Variants in POU2F1 observed in about 807,000 individuals in gnomAD.
The protein encoded by POU2F1 is POU class 2 homeobox 1.
POU2F1 carries 16 observed loss-of-function variants against 84.9 expected under a neutral mutation model. The observed-to-expected ratio is 0.19, with a 90% CI of 0.13 to 0.29. The LOEUF is 0.29. POU2F1 is among the 10% of genes least tolerant of loss of function. The probability of loss-of-function intolerance (pLI) is 1.00; values close to 1 mark genes in which losing one functional copy is unlikely to be tolerated. For synonymous variants in POU2F1, 368 were observed against 368.3 expected (o/e 1.00, Z 0.01); for missense variants, 738 against 942.6 (o/e 0.78, Z 2.84).
At chr1:167,379,207 A>G (rs1047415529) in intron 7 of POU2F1, 3 of 152,402 alleles carry the variant, frequency 2.0e-5, no homozygotes, top group African/African-American at 7.2e-5. Flanking sequence ...TGCTGGGATT[A>G]TAGGCATGAG....
At chr1:167,249,838 C>T (rs2102400713) in intron 1 of POU2F1, among the ~76,000 whole-genome samples, 1 of 152,248 alleles carries the variant, frequency 6.6e-6, no homozygotes, top group Non-Finnish European at 1.5e-5. Flanking sequence ...GCTGACTCAC[C>T]TACAGTGAGG....
rs1650482655 is a variant in POU2F1, at chr1:167,419,040, A to G, written c.*3230A>G. ...TTGTTTAGTTTAAAATCAACTCCCT[A>G]TCCATCATCCCTAGATATTCTACTT... On this transcript the variant is annotated 3_prime_UTR_variant, in exon 16 of 16. Coordinates refer to ENST00000367866, the MANE Select transcript of POU2F1 (RefSeq NM_002697.4). The G allele has an allele frequency of 6.6e-6, 1 of 152,218 alleles. No individual in the cohort carries two copies. Among genetic ancestry groups the G allele is most frequent in the Non-Finnish European group, 1.5e-5 (1 of 68,048 alleles). The allele number at this position is 152,218 out of a possible 1,614,324, so 9.4% of individuals were successfully genotyped here. A position where few individuals can be genotyped will look rare whatever the true frequency, so the allele number is the denominator to read the frequency against.
At position 167,399,233 on chromosome 1, in the gene POU2F1, C is replaced by T. The variant is rs1170193634; in HGVS notation, c.1317C>T (p.Leu439=). The T allele has an allele frequency of 2.5e-6, 4 of 1,613,698 alleles. No individual in the cohort carries two copies. The highest frequency in any genetic ancestry group is 3.4e-6 in the Non-Finnish European group (4 of 1,179,930). ...AGATCACTATGATTGCTGATCAGCT[C>T]AATATGGAAAAAGAGGTGATTCGTG... ...SEEITMIADQ[L]NMEKEVIRVW... Residue 439 remains leucine (L), a synonymous_variant, in exon 12 of 16, where the codon CTC becomes CTT. Coordinates refer to ENST00000367866, the MANE Select transcript of POU2F1 (RefSeq NM_002697.4).
chr1:167,325,601 A>G (rs1656644460), intron 1 of POU2F1, among the ~76,000 whole-genome samples: 1 of 152,080 alleles, frequency 6.6e-6, no homozygotes, highest in African/African-American at 2.4e-5. Context: ...TTTTAATACT[A>G]GTAGTGTCGG....
intron 2 of POU2F1, among the ~76,000 whole-genome samples, chr1:167,358,057 C>T (rs1659085921): frequency 6.6e-6 from 1 of 151,412 alleles, no homozygotes; most frequent in Non-Finnish European, 1.5e-5. Flanking sequence ...CTGTCTCGAC[C>T]TTCCAAAGTG....
intron 1 of POU2F1, among the ~76,000 whole-genome samples, chr1:167,255,767 G>A (rs938140288): frequency 1.3e-5 from 2 of 152,300 alleles, no homozygotes; most frequent in East Asian, 3.9e-4. Flanking sequence ...ACTGGATTTA[G>A]GAGACAAGAA....
intron 1 of POU2F1, among the ~76,000 whole-genome samples, chr1:167,245,651 G>A (rs1650261247): frequency 6.6e-6 from 1 of 151,980 alleles, no homozygotes; most frequent in Admixed American, 6.6e-5. Flanking sequence ...GACCTCAGGT[G>A]ATCCGCCCAC....
chr1:167,236,514 G>T (rs1156684689), intron 1 of POU2F1, among the ~76,000 whole-genome samples: 2 of 151,552 alleles, frequency 1.3e-5, no homozygotes, highest in African/African-American at 4.9e-5. Context: ...TCCTGTTTTG[G>T]CCGTTTCAGA....
intron 2 of POU2F1, among the ~76,000 whole-genome samples, chr1:167,340,567 G>T (rs1657780403): frequency 6.6e-6 from 1 of 151,660 alleles, no homozygotes; most frequent in African/African-American, 2.4e-5. Context: ...AAGTAGCCGG[G>T]ATTACAGGTG....
chr1:167,331,558 C>CT (rs1284671996), intron 1 of POU2F1, among the ~76,000 whole-genome samples: 1 of 151,982 alleles, frequency 6.6e-6, no homozygotes, highest in Non-Finnish European at 1.5e-5. Flanking sequence ...CATAAATATT[C>CT]TAAGTTTGAG....
chr1:167,336,268 A>G (rs1222188103), intron 2 of POU2F1, among the ~76,000 whole-genome samples: 1 of 152,254 alleles, frequency 6.6e-6, no homozygotes, highest in African/African-American at 2.4e-5. Context: ...CTACTGTAAT[A>G]ATTTTGTAAC....
intron 3 of POU2F1, among the ~76,000 whole-genome samples, chr1:167,367,158 T>A (rs911328480): frequency 6.6e-6 from 1 of 152,144 alleles, no homozygotes; most frequent in Non-Finnish European, 1.5e-5. Flanking sequence ...AAGACACAAG[T>A]CCTTGCATCT....
chr1:167,258,226 C>T (rs1194310605), intron 1 of POU2F1, among the ~76,000 whole-genome samples: 8 of 152,082 alleles, frequency 5.3e-5, no homozygotes, highest in South Asian at 2.1e-4. Context: ...GAAGTGACTG[C>T]GGGTAACATT....
chr1:167,357,365 C>G (rs1571360267), intron 2 of POU2F1: 1 of 7,134 alleles, frequency 1.4e-4, no homozygotes, highest in Non-Finnish European at 4.4e-4. Flanking sequence ...CGCCTCCCCC[C>G]CCACCCCCCC....
intron 1 of POU2F1, among the ~76,000 whole-genome samples, chr1:167,330,715 C>T (rs368804654): frequency 1.7e-3 from 258 of 152,144 alleles, no homozygotes; most frequent in African/African-American, 6.0e-3. Context: ...TGAGATGATT[C>T]ACTTAAAATA....
intron 1 of POU2F1, among the ~76,000 whole-genome samples, chr1:167,267,179 G>C (rs767006448): frequency 1.3e-5 from 2 of 150,388 alleles, no homozygotes; most frequent in African/African-American, 2.5e-5. Context: ...TATAAAAAGA[G>C]CTATCAAATA....
chr1:167,421,959 G>A lies in POU2F1; in HGVS notation c.*6149G>A, dbSNP rs1366423602. 1 of 152,194 alleles carries A rather than the reference G, an allele frequency of 6.6e-6. No individual in the cohort carries two copies. Among genetic ancestry groups the A allele is most frequent in the Non-Finnish European group, 1.5e-5 (1 of 68,034 alleles). The allele number at this position is 152,194 out of a possible 1,614,324, so 9.4% of individuals were successfully genotyped here. A position where few individuals can be genotyped will look rare whatever the true frequency, so the allele number is the denominator to read the frequency against. ...TTGATTATGTTAGAAGGAAAACATT[G>A]CTCGTGTGTGTGTTTGTTTTTTCTT... On this transcript the variant is annotated 3_prime_UTR_variant, in exon 16 of 16. Coordinates refer to ENST00000367866, the MANE Select transcript of POU2F1 (RefSeq NM_002697.4).
In POU2F1 at chr1:167,417,820, T is replaced by A. The variant is rs1441248808; in HGVS notation, c.*2010T>A. The A allele has an allele frequency of 6.6e-6, 1 of 152,206 alleles. No individual in the cohort carries two copies. The highest frequency in any genetic ancestry group is 6.5e-5 in the Admixed American group (1 of 15,282). 9.4% of individuals were successfully genotyped at this position (152,206 alleles called of 1,614,324 possible). On this transcript the variant is annotated 3_prime_UTR_variant, in exon 16 of 16. Transcript: ENST00000367866. ...AGTAAATACAGACACAATGTGTACTTTTGTGTGTGATTCAAGTGGGAGACA... is the reference window on the plus strand; with the variant it reads ...AGTAAATACAGACACAATGTGTACTATTGTGTGTGATTCAAGTGGGAGACA...
At chr1:167,393,375 A>C (rs567914874) in intron 9 of POU2F1, among the ~76,000 whole-genome samples, 1 of 152,320 alleles carries the variant, frequency 6.6e-6, no homozygotes, top group Non-Finnish European at 1.5e-5. Flanking sequence ...TGATAAAGTG[A>C]GTTTATTATT....
Sources: gnomAD v4.1 joint callset for allele counts (sites outside exome capture counted in the v4.1 genomes callset) on GRCh38, gnomAD v4.1.1 for gene constraint, MANE v1.5 for transcripts, NCBI Gene and HGNC (gene_info 2026-07-23, HGNC 2026-07-21) for gene names.